Variants in TAF4 observed in about 807,000 individuals in gnomAD.
TAF4 encodes transcription initiation factor TFIID subunit 4.
TAF4 carries 9 observed loss-of-function variants against 90.3 expected under a neutral mutation model. The ratio of observed to expected loss-of-function variants is 0.10; its 90% CI spans 0.06 to 0.17. TAF4 has a LOEUF of 0.17. Ranked by LOEUF, TAF4 falls within the 10% of genes least tolerant of loss-of-function variation. The pLI is 1.00. For missense variants in TAF4, 1,351 were observed against 1,370.7 expected, an observed-to-expected ratio of 0.99 and a Z score of 0.23; for synonymous variants, 818 against 638.9, an observed-to-expected ratio of 1.28 and a Z score of -4.23.
intron 9 of TAF4, 43 bp downstream of exon 9, chr20:62,003,096 ACGGACTCTGGACTCTTCTCCG>A: frequency 7.0e-7 from 1 of 1,432,816 alleles, no homozygotes. Flanking sequence ...ATGGAGCAGC[ACGGACTCTGGACTCTTCTCCG>A]CTCTGGCCAC....
chr20:62,025,803 C>G (rs1460240603), intron 1 of TAF4, among the ~76,000 whole-genome samples: 1 of 152,176 alleles, frequency 6.6e-6, no homozygotes, highest in Non-Finnish European at 1.5e-5. Flanking sequence ...CTAAAACACA[C>G]AGACTCCCCT....
chr20:62,003,981 G>C (rs983041907), intron 7 of TAF4, 103 bp from the exon 8 acceptor site: 2 of 1,385,946 alleles, frequency 1.4e-6, no homozygotes, highest in African/African-American at 1.5e-5. Flanking sequence ...TGCACCCCAC[G>C]CCCCCAGTAA....
intron 1 of TAF4, among the ~76,000 whole-genome samples, chr20:62,053,554 G>A (rs964802467): frequency 9.2e-5 from 14 of 152,224 alleles, no homozygotes; most frequent in Non-Finnish European, 1.2e-4. Flanking sequence ...AGCGGCATCC[G>A]TGCACCTCAC....
At chr20:62,040,417 G>A (rs187049084) in intron 1 of TAF4, among the ~76,000 whole-genome samples, 1 of 152,344 alleles carries the variant, frequency 6.6e-6, no homozygotes, top group East Asian at 1.9e-4. Context: ...TCTAGAAGAG[G>A]CAAAATCACA....
intron 1 of TAF4, among the ~76,000 whole-genome samples, chr20:62,022,726 T>C (rs2055850337): frequency 6.6e-6 from 1 of 152,022 alleles, no homozygotes; most frequent in Admixed American, 6.6e-5. Context: ...CCTCTCGGGG[T>C]TTGGCAGGCA....
At chr20:62,013,406 G>A (rs766992566) in intron 2 of TAF4, among the ~76,000 whole-genome samples, 17 of 152,238 alleles carry the variant, frequency 1.1e-4, no homozygotes, top group Non-Finnish European at 1.6e-4. Flanking sequence ...GAAGTTTGTC[G>A]GAGAGAGACT....
intron 1 of TAF4, among the ~76,000 whole-genome samples, chr20:62,015,357 C>CT (rs1275729952): frequency 1.3e-5 from 2 of 152,258 alleles, no homozygotes; most frequent in African/African-American, 2.4e-5. Context: ...CAAATCCTGC[C>CT]ATTCAGGTTT....
At chr20:61,993,134 C>G (rs1025418226) in intron 14 of TAF4, among the ~76,000 whole-genome samples, 17 of 152,130 alleles carry the variant, frequency 1.1e-4, no homozygotes, top group Non-Finnish European at 2.5e-4. Context: ...AAAAGAACAC[C>G]CCAAAGAGGA....
chr20:61,993,544 G>C (rs1396352179), intron 14 of TAF4, among the ~76,000 whole-genome samples: 3 of 152,222 alleles, frequency 2.0e-5, no homozygotes, highest in African/African-American at 4.8e-5. Flanking sequence ...TTCCTTTTAA[G>C]TCAAGTTTAA....
chr20:62,017,367 G>A (rs1273837160), intron 1 of TAF4, among the ~76,000 whole-genome samples: 1 of 151,996 alleles, frequency 6.6e-6, no homozygotes, highest in Non-Finnish European at 1.5e-5. Context: ...GGCCAGGCAC[G>A]GTGGCTCACG....
chr20:62,036,620 G>A (rs1359723340), intron 1 of TAF4, among the ~76,000 whole-genome samples: 1 of 152,194 alleles, frequency 6.6e-6, no homozygotes, highest in Non-Finnish European at 1.5e-5. Flanking sequence ...GGTTATGCTA[G>A]GAACTCGCCA....
intron 1 of TAF4, among the ~76,000 whole-genome samples, chr20:62,028,193 G>A (rs549024524): frequency 2.0e-4 from 30 of 152,238 alleles, no homozygotes; most frequent in African/African-American, 6.7e-4. Flanking sequence ...GACCAACAGG[G>A]ACAGACCCAC....
intron 2 of TAF4, among the ~76,000 whole-genome samples, 180 bp downstream of exon 2, chr20:62,014,367 C>A (rs1457281787): frequency 6.6e-6 from 1 of 152,146 alleles, no homozygotes; most frequent in African/African-American, 2.4e-5. Context: ...GAGAGGAGGA[C>A]AGGAGAGCAG....
intron 3 of TAF4, among the ~76,000 whole-genome samples, chr20:62,011,107 C>T (rs984161721): frequency 8.5e-5 from 13 of 152,158 alleles, no homozygotes; most frequent in Admixed American, 7.2e-4. Flanking sequence ...AGCCCCGCTT[C>T]CAGAGGGGTG....
At position 62,023,705 on chromosome 20, in the gene TAF4, G is replaced by A. The variant is rs2055856939; in HGVS notation, c.1361-8998C>T. ...GGAGGTTGCAGTGAGCCGAGACCAT[G>A]CCACTGCACTCCAGCCTGGGCAACA... On this transcript the variant is annotated intron_variant, in intron 1 of 14. Coordinates refer to ENST00000252996, the MANE Select transcript of TAF4 (RefSeq NM_003185.4). 3.2e-5 allele frequency among the ~76,000 whole-genome samples: 4 copies of A among 124,740 alleles called. No homozygotes were observed. In the Admixed American group the frequency reaches 4.2e-4, roughly 13 times the overall value. The allele number at this position is 124,740 out of a possible 152,430, so 81.8% of individuals were successfully genotyped here. A position where few individuals can be genotyped will look rare whatever the true frequency, so the allele number is the denominator to read the frequency against.
Position 61,980,344 on chromosome 20 carries a change from G to C in TAF4, c.3091-4009C>G, listed in dbSNP as rs892116454. ...AGCACCTGGGGGCTGTCCGGGAGGA[G>C]CGCGTCTGCTCCCGGGGCGGGAGCC... On this transcript the variant is annotated intron_variant, in intron 14 of 14. Transcript: ENST00000252996. 3 of 152,394 alleles carry C rather than the reference G, an allele frequency of 2.0e-5. No homozygotes were observed. The East Asian group carries it at 5.8e-4, about 29-fold the overall frequency. 9.4% of individuals were successfully genotyped at this position (152,394 alleles called of 1,614,324 possible). A position where few individuals can be genotyped will look rare whatever the true frequency, so the allele number is the denominator to read the frequency against.
At chr20:61,982,071 C>T (rs200253999) in intron 14 of TAF4, among the ~76,000 whole-genome samples, 3 of 105,612 alleles carry the variant, frequency 2.8e-5, no homozygotes, top group Admixed American at 9.3e-5. Context: ...ACCCACACCC[C>T]ACCCGAGAGG....
intron 14 of TAF4, among the ~76,000 whole-genome samples, chr20:61,994,308 C>T (rs1044367751): frequency 1.3e-5 from 2 of 152,236 alleles, no homozygotes; most frequent in African/African-American, 2.4e-5. Flanking sequence ...CAGGTTCCTG[C>T]TGGGGCCCAT....
chr20:61,986,851 T>C (rs1316339404), intron 14 of TAF4, among the ~76,000 whole-genome samples: 4 of 152,152 alleles, frequency 2.6e-5, no homozygotes, highest in Admixed American at 1.3e-4. Context: ...GAATTCCAAT[T>C]AATAAATGTA....
Sources: gnomAD v4.1 joint callset for allele counts (sites outside exome capture counted in the v4.1 genomes callset) on GRCh38, gnomAD v4.1.1 for gene constraint, MANE v1.5 for transcripts, NCBI Gene and HGNC (gene_info 2026-07-23, HGNC 2026-07-21) for gene names.